The following GPM6A variants were observed in gnomAD, a reference collection of about 807,000 sequenced individuals.
GPM6A encodes neuronal membrane glycoprotein M6-a.
GPM6A carries 7 observed loss-of-function variants against 32.1 expected under a neutral mutation model. The ratio of observed to expected loss-of-function variants is 0.22; its 90% CI spans 0.12 to 0.41. The LOEUF (loss-of-function observed/expected upper bound fraction) is 0.41, where lower values mean the gene tolerates loss of function less well. Ranked by LOEUF, GPM6A falls within the 10% of genes least tolerant of loss-of-function variation. The pLI, the probability that GPM6A is intolerant of heterozygous loss-of-function variation, is 1.00. For synonymous variants in GPM6A, 130 were observed against 123.4 expected (o/e 1.05, Z -0.35); for missense variants, 235 against 347.2 (o/e 0.68, Z 2.57).
intron 3 of GPM6A, among the ~76,000 whole-genome samples, chr4:175,664,628 C>A (rs987223492): frequency 6.6e-6 from 1 of 152,200 alleles, no homozygotes; most frequent in Non-Finnish European, 1.5e-5. Context: ...CAGAGTTTTG[C>A]ATCTACTTAA....
At chr4:175,640,892 A>T (rs1182058504) in intron 4 of GPM6A, 63 bp from the exon 5 acceptor site, 1 of 1,063,518 alleles carries the variant, frequency 9.4e-7, no homozygotes, top group Admixed American at 1.9e-5. Context: ...AGAGAGAAAA[A>T]AATGAGTTTT....
At chr4:175,996,695 T>C (rs936005517) in intron 1 of GPM6A, among the ~76,000 whole-genome samples, 4 of 152,204 alleles carry the variant, frequency 2.6e-5, no homozygotes, top group African/African-American at 9.6e-5. Flanking sequence ...TTAGTGTGAC[T>C]GTTTAGATTT....
chr4:175,798,638 G>C (rs1468247784), intron 1 of GPM6A: 2 of 152,014 alleles, frequency 1.3e-5, no homozygotes, highest in Non-Finnish European at 2.9e-5. Flanking sequence ...ATTTCTTGGT[G>C]GCGGAAGGAG....
chr4:175,853,504 C>CTTTTT (rs70962425), intron 1 of GPM6A, among the ~76,000 whole-genome samples: 1 of 137,656 alleles, frequency 7.3e-6, no homozygotes. Flanking sequence ...CAAACAAGTT[C>CTTTTT]TTTTTTTTTT....
In GPM6A at chr4:175,633,814, C is replaced by T. The variant is rs1262728162; in HGVS notation, c.*1091G>A. The T allele has an allele frequency of 6.6e-6, 1 of 152,412 alleles. No individual in the cohort carries two copies. Among genetic ancestry groups the T allele is most frequent in the East Asian group, 1.9e-4 (1 of 5,188 alleles). 9.4% of individuals were successfully genotyped at this position (152,412 alleles called of 1,614,324 possible). A position where few individuals can be genotyped will look rare whatever the true frequency, so the allele number is the denominator to read the frequency against. ...AATACATTCTATAGGGGCCTCTGAC[C>T]ACACTTTATAAAACACTACAGGTAA... On this transcript the variant is annotated 3_prime_UTR_variant, in exon 7 of 7. Transcript: ENST00000393658.
At chr4:175,965,811 A>G (rs979650924) in intron 1 of GPM6A, among the ~76,000 whole-genome samples, 13 of 151,966 alleles carry the variant, frequency 8.6e-5, no homozygotes, top group Admixed American at 4.6e-4. Context: ...ACGGGGTTTC[A>G]CCATGTTGGC....
chr4:175,871,737 C>G (rs976100973), intron 1 of GPM6A, among the ~76,000 whole-genome samples: 17 of 152,150 alleles, frequency 1.1e-4, no homozygotes, highest in Non-Finnish European at 2.2e-4. Context: ...ATTTCAGAGT[C>G]TTTGTGCAAA....
At chr4:175,822,606 T>C (rs1412498366) in intron 1 of GPM6A, among the ~76,000 whole-genome samples, 1 of 152,168 alleles carries the variant, frequency 6.6e-6, no homozygotes, top group African/African-American at 2.4e-5. Context: ...GAGTGCTTAT[T>C]TCTAGAAAGT....
At chr4:175,933,668 G>A (rs978227460) in intron 1 of GPM6A, among the ~76,000 whole-genome samples, 1 of 151,944 alleles carries the variant, frequency 6.6e-6, no homozygotes, top group African/African-American at 2.4e-5. Context: ...TCAGCCTCCC[G>A]AATAGCTGGG....
intron 2 of GPM6A, among the ~76,000 whole-genome samples, chr4:175,674,251 C>T (rs112435848): frequency 0.05 from 7,558 of 152,138 alleles, 210 homozygotes; most frequent in Non-Finnish European, 0.063. Flanking sequence ...GATCTCGGCT[C>T]GCTGCAACTT....
chr4:175,706,490 G>A (rs930577535), intron 1 of GPM6A, among the ~76,000 whole-genome samples: 4 of 152,186 alleles, frequency 2.6e-5, no homozygotes, highest in Admixed American at 1.3e-4. Context: ...GAGAGGTTGA[G>A]AAGTGAGATT....
At chr4:175,767,450 G>A (rs1430216448) in intron 1 of GPM6A, among the ~76,000 whole-genome samples, 1 of 152,184 alleles carries the variant, frequency 6.6e-6, no homozygotes, top group Non-Finnish European at 1.5e-5. Context: ...AGAAACCCCT[G>A]ACTGGGCAGC....
At chr4:175,897,426 C>A (rs192975613) in intron 1 of GPM6A, among the ~76,000 whole-genome samples, 1 of 152,134 alleles carries the variant, frequency 6.6e-6, no homozygotes, top group Non-Finnish European at 1.5e-5. Flanking sequence ...CTGTGAAATG[C>A]GGTCTGCAGA....
chr4:175,896,464 C>A (rs1250809017), intron 1 of GPM6A, among the ~76,000 whole-genome samples: 2 of 152,072 alleles, frequency 1.3e-5, no homozygotes, highest in African/African-American at 4.8e-5. Context: ...ACATGTCTGC[C>A]CCCTTTGAAG....
intron 2 of GPM6A, among the ~76,000 whole-genome samples, chr4:175,700,458 C>T (rs571936969): frequency 2.6e-5 from 4 of 152,002 alleles, no homozygotes; most frequent in African/African-American, 9.7e-5. Context: ...TAAAATTATA[C>T]CAGTTCAACA....
chr4:175,883,382 A>G (rs1462694056), intron 1 of GPM6A, among the ~76,000 whole-genome samples: 5 of 152,134 alleles, frequency 3.3e-5, no homozygotes, highest in Non-Finnish European at 7.4e-5. Context: ...AAATATTCAA[A>G]ACCAAATATT....
intron 4 of GPM6A, among the ~76,000 whole-genome samples, chr4:175,648,713 C>A (rs1240073624): frequency 6.6e-6 from 1 of 152,146 alleles, no homozygotes; most frequent in Non-Finnish European, 1.5e-5. Flanking sequence ...TGGCTCTTGG[C>A]CCCTTTTCTC....
intron 1 of GPM6A, among the ~76,000 whole-genome samples, chr4:175,738,582 C>T (rs1731756882): frequency 6.6e-6 from 1 of 151,150 alleles, no homozygotes; most frequent in Non-Finnish European, 1.5e-5. Flanking sequence ...GAGAAGAGGG[C>T]AGAATGGGGT....
In GPM6A at chr4:175,673,734, T is replaced by G. The variant is rs1560866830; in HGVS notation, c.333A>C (p.Lys111Asn). 4.3e-6 allele frequency: 7 copies of G among 1,612,946 alleles called. No individual in the cohort carries two copies. The East Asian group carries it at 1.6e-4, about 36-fold the overall frequency. ...VEGFFTTGAI[K>N]DLYGDFKITT... ...TGATTTTGAAATCCCCATAGAGATC[T>G]TTGATGGCCCCAGTTGTGAAGAAAC... Residue 111 changes from lysine to asparagine, a missense_variant, in exon 3 of 7, where the codon AAA becomes AAC. Physicochemically the swap from Lys to Asn is moderately conservative, Grantham distance 94. Around this residue, in one of 3 missense-constraint regions of GPM6A, gnomAD observed 101 missense variants for 171.2 expected, o/e 0.59. Coordinates refer to ENST00000393658, the MANE Select transcript of GPM6A (RefSeq NM_201591.3).
Sources: gnomAD v4.1 joint callset for allele counts (sites outside exome capture counted in the v4.1 genomes callset) on GRCh38, gnomAD v4.1.1 for gene constraint, gnomAD v4.1.1 regional missense constraint, MANE v1.5 for transcripts, NCBI Gene and HGNC (gene_info 2026-07-23, HGNC 2026-07-21) for gene names.